Variants in MIA2 observed in about 807,000 individuals in gnomAD.
MIA2 encodes the protein melanoma inhibitory activity protein 2.
A neutral mutation model predicts 167.8 loss-of-function variants in MIA2; 127 were observed. The ratio of observed to expected loss-of-function variants is 0.76; its 90% CI spans 0.66 to 0.88. The LOEUF is 0.88. Among genes scored for constraint, MIA2 ranks in the 40% least tolerant of loss-of-function variants. MIA2 has a pLI of 0.00. For missense variants in MIA2, 1,690 were observed against 1,624.7 expected (o/e 1.04, Z -0.69); for synonymous variants, 552 against 541.9 (o/e 1.02, Z -0.26).
chr14:39,280,594 G>A (rs933200645), intron 9 of MIA2, among the ~76,000 whole-genome samples: 1 of 152,062 alleles, frequency 6.6e-6, no homozygotes, highest in Non-Finnish European at 1.5e-5. Context: ...TTAGCCAAGT[G>A]TGGTGGTGGG....
downstream of MIA2, among the ~76,000 whole-genome samples, chr14:39,355,862 T>G (rs2074509376): frequency 6.6e-6 from 1 of 152,214 alleles, no homozygotes; most frequent in Non-Finnish European, 1.5e-5. Context: ...GTTTATTGAT[T>G]TGCGTATGTT....
In MIA2 at chr14:39,275,718, T is replaced by A. The variant is rs1194531274; in HGVS notation, c.1888-1216T>A. Among the ~76,000 whole-genome samples the A allele has an allele frequency of 4.6e-5, 7 of 152,348 alleles. No homozygotes were observed. In the South Asian group the frequency reaches 1.4e-3, roughly 32 times the overall value. ...TTTCTTCCTGGTATTGTGTATTGAA[T>A]GCCTTTTTTCCCCCAATAGCAAAAA... is the stretch of plus-strand genomic sequence containing the variant. On this transcript the variant is annotated intron_variant, in intron 6 of 28. Transcript: ENST00000640607.
rs555440535 is a variant in MIA2 at position 39,261,324 on chromosome 14, C to A, written c.1887+8153C>A. 2.2e-3 allele frequency among the ~76,000 whole-genome samples: 336 copies of A among 152,066 alleles called. 5 individuals carry two copies. Among genetic ancestry groups the A allele is most frequent in the African/African-American group, 7.7e-3 (319 of 41,446 alleles). On this transcript the variant is annotated intron_variant, in intron 6 of 28. Coordinates refer to ENST00000640607, the MANE Select transcript of MIA2 (RefSeq NM_001329214.4). Reference sequence around the variant, plus strand: ...TCCCTACAAAGGACATGAACTCATCCTTTTTTATGGCTGCATAGTATTCCA... The same window carrying A: ...TCCCTACAAAGGACATGAACTCATCATTTTTTATGGCTGCATAGTATTCCA...
At chr14:39,358,024 ATG>A (rs2074575585) in intron 23 of MIA2, among the ~76,000 whole-genome samples, 1 of 152,006 alleles carries the variant, frequency 6.6e-6, no homozygotes, top group Admixed American at 6.5e-5. Context: ...TCTGACAATT[ATG>A]TGTCTTGGAG....
At chr14:39,331,317 C>T (rs559270678) in intron 25 of MIA2, among the ~76,000 whole-genome samples, 2 of 152,122 alleles carry the variant, frequency 1.3e-5, no homozygotes, top group African/African-American at 4.8e-5. Context: ...GGTAAATCTT[C>T]CTCCATCCCT....
intron 7 of MIA2, 142 bp downstream of exon 7, chr14:39,277,207 T>C (rs1008112771): frequency 4.1e-5 from 47 of 1,159,584 alleles, no homozygotes; most frequent in Non-Finnish European, 5.5e-5. Context: ...TGTTTTTTGT[T>C]TTTTTTAAAA....
At chr14:39,347,621 G>T in intron 26 of MIA2, 92 bp from the exon 27 acceptor site, 1 of 1,290,052 alleles carries the variant, frequency 7.8e-7, no homozygotes, top group Non-Finnish European at 1.1e-6. Flanking sequence ...GCCAACAAGG[G>T]GAGTGGGAAA....
chr14:39,279,037 T>C (rs901996033), intron 7 of MIA2, among the ~76,000 whole-genome samples: 14 of 151,726 alleles, frequency 9.2e-5, no homozygotes, highest in African/African-American at 3.4e-4. Flanking sequence ...GGTGGGCACC[T>C]GTAATCCCAG....
intron 9 of MIA2, among the ~76,000 whole-genome samples, chr14:39,280,117 A>AC (rs1399164741): frequency 5.3e-4 from 80 of 152,128 alleles, no homozygotes; most frequent in African/African-American, 1.9e-3. Context: ...TATTGGAAGG[A>AC]CCATCTTTTC....
chr14:39,317,925 A>G lies in MIA2; in HGVS notation c.3217-19A>G. The stretch of plus-strand genomic sequence containing the variant: ...AAGTTTATATAAATATATTTTTAAA[A>G]TGTGTTATTTTCTTCAAGTTGGCAG... On this transcript the variant is annotated intron_variant, in intron 21 of 28. Coordinates refer to ENST00000640607, the MANE Select transcript of MIA2 (RefSeq NM_001329214.4). The G allele has an allele frequency of 1.3e-6, 2 of 1,528,958 alleles. No homozygotes were observed. Among genetic ancestry groups the G allele is most frequent in the Non-Finnish European group, 8.8e-7 (1 of 1,134,990 alleles). The allele number at this position is 1,528,958 out of a possible 1,614,324, so 94.7% of individuals were successfully genotyped here.
intron 2 of MIA2, 78 bp downstream of exon 2, chr14:39,237,133 T>G (rs1179751949): frequency 5.2e-6 from 8 of 1,528,462 alleles, no homozygotes; most frequent in Non-Finnish European, 7.1e-6. Context: ...TCTTTTCTTT[T>G]TTTTGGAAAC....
At chr14:39,334,564 G>T (rs1211062663) in intron 25 of MIA2, among the ~76,000 whole-genome samples, 1 of 56,492 alleles carries the variant, frequency 1.8e-5, no homozygotes, top group Non-Finnish European at 3.2e-5. Context: ...TGAATGAGGG[G>T]ACTTAGGCTT....
rs189457463 is a variant in MIA2 at position 39,306,545 on chromosome 14, A to G, written c.2879-1904A>G. Among the ~76,000 whole-genome samples, 267 of 152,270 alleles carry G rather than the reference A, an allele frequency of 1.8e-3. 3 individuals are homozygous for G. Among genetic ancestry groups the G allele is most frequent in the Admixed American group, 0.015 (224 of 15,288 alleles). The stretch of plus-strand genomic sequence containing the variant: ...CATTAGAAACCACCCCCTTGGTCCA[A>G]TCACCTCCCATCTGGCCCCACCTCT... On this transcript the variant is annotated intron_variant, in intron 17 of 28. Coordinates refer to ENST00000640607, the MANE Select transcript of MIA2 (RefSeq NM_001329214.4).
At chr14:39,374,577 C>G (rs150593849) in intron 23 of MIA2, among the ~76,000 whole-genome samples, 15 of 152,266 alleles carry the variant, frequency 9.9e-5, no homozygotes, top group African/African-American at 3.6e-4. Flanking sequence ...TGACTCAGTT[C>G]ATTTCTATAG....
intron 6 of MIA2, among the ~76,000 whole-genome samples, chr14:39,259,776 G>T (rs183474152): frequency 3.5e-3 from 496 of 143,290 alleles, no homozygotes; most frequent in African/African-American, 0.012. Context: ...TGTTACATGT[G>T]TATACATGTG....
rs560902814 is a variant in MIA2, at chr14:39,381,857, A to T, written c.2249-5028A>T. ...AAACAAATCAACAACAACAACAAGA[A>T]CAATTAAACAACACAAATGATGCTT... On this transcript the variant is annotated intron_variant, in intron 23 of 23. Coordinates refer to the MIA2 transcript ENST00000341502. Among the ~76,000 whole-genome samples the T allele has an allele frequency of 2.2e-5, 3 of 135,522 alleles. No homozygotes were observed. In the South Asian group the frequency reaches 6.6e-4, roughly 30 times the overall value. 88.9% of individuals were successfully genotyped at this position (135,522 alleles called of 152,430 possible). A position where few individuals can be genotyped will look rare whatever the true frequency, so the allele number is the denominator to read the frequency against.
At chr14:39,320,782 G>A (rs2066276344) in intron 23 of MIA2, 146 bp from the exon 24 acceptor site, 1 of 781,362 alleles carries the variant, frequency 1.3e-6, no homozygotes, top group Non-Finnish European at 2.0e-6. Flanking sequence ...TTCTATATTA[G>A]CAAAATCAAA....
At chr14:39,268,894 T>G (rs2056556386) in intron 6 of MIA2, 1 of 566,414 alleles carries the variant, frequency 1.8e-6, no homozygotes, top group Non-Finnish European at 2.2e-6. Flanking sequence ...AACTTATTCA[T>G]GGAGGTAGGG....
intron 2 of MIA2, among the ~76,000 whole-genome samples, chr14:39,239,587 A>G (rs901975111): frequency 6.6e-6 from 1 of 152,062 alleles, no homozygotes; most frequent in African/African-American, 2.4e-5. Flanking sequence ...CAAAAACAAA[A>G]TCTATATCTT....
Sources: gnomAD v4.1 joint callset for allele counts (sites outside exome capture counted in the v4.1 genomes callset) on GRCh38, gnomAD v4.1.1 for gene constraint, MANE v1.5 for transcripts, NCBI Gene and HGNC (gene_info 2026-07-23, HGNC 2026-07-21) for gene names.